The following OTOF variants were observed in gnomAD, a reference collection of about 807,000 sequenced individuals.
OTOF encodes the protein fer-1-like family member 2.
In OTOF, 218 loss-of-function variants were observed where a neutral mutation model predicts 236.8. The observed-to-expected ratio is 0.92, with a 90% CI of 0.82 to 1.03. The LOEUF is 1.03. Ranked by LOEUF, OTOF falls within the 50% of genes least tolerant of loss-of-function variation. The pLI, the probability that OTOF is intolerant of heterozygous loss-of-function variation, is 0.00. For synonymous variants in OTOF, 1,041 were observed against 1,072.5 expected (o/e 0.97, Z 0.57); for missense variants, 2,590 against 2,694.4 (o/e 0.96, Z 0.86).
At chr2:26,475,296 G>A in intron 25 of OTOF, 63 bp downstream of exon 25, 4 of 1,584,856 alleles carry the variant, frequency 2.5e-6, no homozygotes, top group Middle Eastern at 1.7e-4. Flanking sequence ...CGCAGGTGGA[G>A]TGCAGGGAAC....
At chr2:26,516,369 TC>T (rs776542524) in intron 5 of OTOF, 48 bp downstream of exon 5, 19 of 1,559,924 alleles carry the variant, frequency 1.2e-5, no homozygotes, top group Non-Finnish European at 1.8e-6. Context: ...CCAGGTCTCT[TC>T]CCCGTGTCTT....
At chr2:26,557,729 C>T (rs951154418) in intron 1 of OTOF, among the ~76,000 whole-genome samples, 3 of 151,840 alleles carry the variant, frequency 2.0e-5, no homozygotes, top group Non-Finnish European at 2.9e-5. Context: ...CCCTGACCAC[C>T]GGTCACCAGC....
chr2:26,533,074 C>T lies in OTOF; in HGVS notation c.138+4642G>A, dbSNP rs79787016. On this transcript the variant is annotated intron_variant, in intron 2 of 46. Transcript: ENST00000272371. ...TGAGCCGCGGGTGAGCGAGCATTCC[C>T]GCCTAAGCTCCATCTAATGTCAGAT... is the stretch of plus-strand genomic sequence containing the variant. 6.8e-3 allele frequency among the ~76,000 whole-genome samples: 1,030 copies of T among 152,268 alleles called. 12 individuals carry two copies. Among genetic ancestry groups the T allele is most frequent in the African/African-American group, 0.023 (962 of 41,540 alleles).
intron 15 of OTOF, 128 bp downstream of exon 15, chr2:26,480,658 C>G (rs1665512521): frequency 6.4e-6 from 5 of 775,454 alleles, no homozygotes; most frequent in African/African-American, 1.7e-5. Context: ...TGGGGAGAAG[C>G]CTTATCCTGA....
At chr2:26,487,008 T>A (rs1481408561) in intron 11 of OTOF, among the ~76,000 whole-genome samples, 1 of 152,124 alleles carries the variant, frequency 6.6e-6, no homozygotes, top group Non-Finnish European at 1.5e-5. Context: ...TCCTCTATGA[T>A]CTATGAGGAT....
At position 26,466,027 on chromosome 2, in the gene OTOF, A is replaced by G; in HGVS notation, c.4550T>C (p.Ile1517Thr). 6.2e-7 allele frequency: 1 copy of G among 1,614,236 alleles called. No individual in the cohort carries two copies. The highest frequency in any genetic ancestry group is 1.1e-5 in the South Asian group (1 of 91,084). ...ADINGKADPY[I>T]AIRLGKTDIR... ...GTCAGTCTTGCCTAGCCGGATGGCG[A>G]TGTAGGGGTCAGCTTTGCCGTTGAT... Residue 1517 changes from isoleucine to threonine, a missense_variant, in exon 37 of 47, where the codon ATC becomes ACC. Physicochemically the swap from Ile to Thr is moderately conservative, Grantham distance 89. Transcript: ENST00000272371.
At chr2:26,528,897 A>C (rs1282768553) in intron 2 of OTOF, among the ~76,000 whole-genome samples, 1 of 152,228 alleles carries the variant, frequency 6.6e-6, no homozygotes. Context: ...GCAGCATGGC[A>C]TGCAAATCCC....
chr2:26,461,593 C>A lies in OTOF; in HGVS notation c.5533+103G>T, dbSNP rs1572400611. On this transcript the variant is annotated intron_variant, in intron 43 of 46. Transcript: ENST00000272371. The surrounding 1 kb of genome is among the most constrained non-coding windows in gnomAD (Gnocchi z 6.2). ...GGCTCTGATGGACTGGAAGCAATGA[C>A]CCCTTGTCCCCCCAAGGCAGGGCTC... 6.7e-7 allele frequency: 1 copy of A among 1,502,808 alleles called. No homozygotes were observed. Among genetic ancestry groups the A allele is most frequent in the East Asian group, 2.3e-5 (1 of 43,700 alleles). The allele number at this position is 1,502,808 out of a possible 1,614,324, so 93.1% of individuals were successfully genotyped here.
intron 1 of OTOF, among the ~76,000 whole-genome samples, chr2:26,557,479 C>T (rs546578082): frequency 2.3e-3 from 351 of 152,246 alleles, no homozygotes; most frequent in African/African-American, 8.2e-3. Context: ...TCAGGGGCTC[C>T]GCTGTCCCCG....
At position 26,518,999 on chromosome 2, in the gene OTOF, G is replaced by T; in HGVS notation, c.327+11C>A. 6.3e-7 allele frequency: 1 copy of T among 1,591,204 alleles called. No individual in the cohort carries two copies. Among genetic ancestry groups the T allele is most frequent in the Non-Finnish European group, 8.6e-7 (1 of 1,162,664 alleles). On this transcript the variant is annotated intron_variant, in intron 4 of 46. Coordinates refer to ENST00000272371, the MANE Select transcript of OTOF (RefSeq NM_194248.3). Reference sequence around the variant, plus strand: ...ATGGGAAAGTCCAGGAACTCCGTGGGGCATACCCACCTTGATGATAGCATT... The same window carrying T: ...ATGGGAAAGTCCAGGAACTCCGTGGTGCATACCCACCTTGATGATAGCATT...
At chr2:26,468,547 G>A (rs1485125332) in intron 32 of OTOF, 73 bp from the exon 33 acceptor site, 1 of 1,088,204 alleles carries the variant, frequency 9.2e-7, no homozygotes, top group Non-Finnish European at 1.4e-6. Context: ...CAAATTGTGG[G>A]CCCAGACCAG....
intron 1 of OTOF, among the ~76,000 whole-genome samples, chr2:26,539,110 G>A (rs1367552285): frequency 1.3e-5 from 2 of 152,084 alleles, no homozygotes; most frequent in East Asian, 1.9e-4. Context: ...ACCGCGCCAG[G>A]CCTCCAGTAC....
intron 7 of OTOF, 130 bp from the exon 8 acceptor site, chr2:26,501,938 C>A: frequency 1.3e-6 from 1 of 744,138 alleles, no homozygotes; most frequent in Non-Finnish European, 2.5e-6. Context: ...TCAAGCACTG[C>A]CAAGAATAGT....
intron 1 of OTOF, among the ~76,000 whole-genome samples, chr2:26,549,255 T>C (rs1430814809): frequency 6.6e-6 from 1 of 152,198 alleles, no homozygotes. Flanking sequence ...CTCTGTAAGA[T>C]TTCAGTCTTT....
In OTOF at chr2:26,545,028, G is replaced by A. The variant is rs944295078; in HGVS notation, c.80-7254C>T. Reference sequence around the variant, plus strand: ...TGCACTCCAGCCTGGGTGACAGAACGAGATGCCATCCCAAAAAAAAAAAAA... The same window carrying A: ...TGCACTCCAGCCTGGGTGACAGAACAAGATGCCATCCCAAAAAAAAAAAAA... On this transcript the variant is annotated intron_variant, in intron 1 of 46. Coordinates refer to ENST00000272371, the MANE Select transcript of OTOF (RefSeq NM_194248.3). Among the ~76,000 whole-genome samples the A allele has an allele frequency of 6.0e-5, 8 of 132,672 alleles. No homozygotes were observed. In the East Asian group the frequency reaches 1.1e-3, roughly 18 times the overall value. The allele number at this position is 132,672 out of a possible 152,430, so 87.0% of individuals were successfully genotyped here. A position where few individuals can be genotyped will look rare whatever the true frequency, so the allele number is the denominator to read the frequency against.
intron 1 of OTOF, among the ~76,000 whole-genome samples, chr2:26,540,518 C>T (rs1443702947): frequency 6.6e-6 from 1 of 152,198 alleles, no homozygotes; most frequent in Non-Finnish European, 1.5e-5. Flanking sequence ...GGCTCGTTCC[C>T]TCCGGGAACT....
At chr2:26,497,642 T>A (rs867681354) in intron 8 of OTOF, among the ~76,000 whole-genome samples, 4 of 152,176 alleles carry the variant, frequency 2.6e-5, no homozygotes, top group South Asian at 2.1e-4. Context: ...AATTCCAATG[T>A]TAATGAGAAC....
intron 5 of OTOF, among the ~76,000 whole-genome samples, chr2:26,514,342 G>A (rs1461968593): frequency 6.6e-6 from 1 of 152,260 alleles, no homozygotes; most frequent in Non-Finnish European, 1.5e-5. Context: ...GCTACCCTGG[G>A]AGGGGCCACA....
intron 8 of OTOF, among the ~76,000 whole-genome samples, chr2:26,495,749 C>G (rs867103984): frequency 1.3e-5 from 2 of 152,166 alleles, no homozygotes; most frequent in South Asian, 2.1e-4. Context: ...TTTAAAGCTC[C>G]TAGGTGATGC....
Sources: gnomAD v4.1 joint callset for allele counts (sites outside exome capture counted in the v4.1 genomes callset) on GRCh38, gnomAD v4.1.1 for gene constraint, Gnocchi (gnomAD v3.1) non-coding constraint, MANE v1.5 for transcripts, NCBI Gene and HGNC (gene_info 2026-07-23, HGNC 2026-07-21) for gene names.